PIP5K1C: variants seen among roughly 807,000 people sequenced by gnomAD.
The protein encoded by PIP5K1C is phosphatidylinositol-4-phosphate 5-kinase type 1 gamma.
In PIP5K1C, 45 loss-of-function variants were observed where a neutral mutation model predicts 80.1. The observed-to-expected ratio is 0.56, with a 90% CI of 0.44 to 0.72. The LOEUF is 0.72. Among genes scored for constraint, PIP5K1C ranks in the 30% least tolerant of loss-of-function variants. PIP5K1C has a pLI of 0.00. For synonymous variants in PIP5K1C, 498 were observed against 420.1 expected, an observed-to-expected ratio of 1.19 and a Z score of -2.27; for missense variants, 753 against 954.6, an observed-to-expected ratio of 0.79 and a Z score of 2.78.
rs1274696813 is a variant in PIP5K1C, at chr19:3,687,588, G to C, written c.94+12709C>G. Among the ~76,000 whole-genome samples the C allele has an allele frequency of 8.1e-5, 12 of 149,038 alleles. 1 individual carries two copies. The highest frequency in any genetic ancestry group is 6.7e-5 in the Admixed American group (1 of 14,964). The stretch of plus-strand genomic sequence containing the variant: ...ACACATGCACACGCACACACATGCA[G>C]ATACACACATGCATACACGCACACA... On this transcript the variant is annotated intron_variant, in intron 1 of 17. Transcript: ENST00000335312.
chr19:3,667,199 G>C, intron 2 of PIP5K1C, 123 bp downstream of exon 2: 1 of 805,422 alleles, frequency 1.2e-6, no homozygotes, highest in Non-Finnish European at 2.1e-6. Flanking sequence ...TGTGGACACT[G>C]GACGGCATTT....
chr19:3,673,813 G>A (rs182059571), intron 1 of PIP5K1C: 44 of 152,578 alleles, frequency 2.9e-4, no homozygotes, highest in African/African-American at 1.0e-3. Context: ...GGCACTCCAC[G>A]ACACAGGCTG....
In PIP5K1C at chr19:3,651,583, G is replaced by C. The variant is rs111690440; in HGVS notation, c.1127+243C>G. On this transcript the variant is annotated intron_variant, in intron 8 of 17. Transcript: ENST00000335312. ...GGCCAGTGGCCTCGGCCCAGTCACGGGTGAATGGGAAACGCCCCCACCATT... is the reference window on the plus strand; with the variant it reads ...GGCCAGTGGCCTCGGCCCAGTCACGCGTGAATGGGAAACGCCCCCACCATT... Among the ~76,000 whole-genome samples, 29 of 152,316 alleles carry C rather than the reference G, an allele frequency of 1.9e-4. 2 individuals are homozygous for C. The highest frequency in any genetic ancestry group is 6.3e-4 in the African/African-American group (26 of 41,566).
chr19:3,638,059 A>T (rs914332924), intron 16 of PIP5K1C: 59 of 1,463,978 alleles, frequency 4.0e-5, no homozygotes, highest in Non-Finnish European at 4.9e-5. Context: ...GTGCCCCCAC[A>T]ACAGGCCCTA....
chr19:3,667,463 C>T (rs7257360), intron 1 of PIP5K1C, 110 bp from the exon 2 acceptor site: 101 of 1,158,544 alleles, frequency 8.7e-5, no homozygotes, highest in Non-Finnish European at 1.1e-4. Context: ...TGTGTAACTC[C>T]GCGTGGGGCT....
At position 3,643,250 on chromosome 19, in the gene PIP5K1C, G is replaced by A. The variant is rs752717133; in HGVS notation, c.1642C>T (p.Arg548Trp). Residue 548 changes from arginine (R) to tryptophan (W), a missense_variant, in exon 13 of 18, where the codon CGG becomes TGG. By Grantham distance (101) the Arg-to-Trp change is moderately radical. Coordinates refer to ENST00000335312, the MANE Select transcript of PIP5K1C (RefSeq NM_012398.3). ...RSPSETSEQP[R>W]YRRRTQSSGQ... ...TGCGGATGCCTCGCCCACCTGTACC[G>A]CGGCTGCTCCGACGTCTCCGAGGGG... 5.6e-6 allele frequency: 9 copies of A among 1,613,422 alleles called. No homozygotes were observed. Among genetic ancestry groups the A allele is most frequent in the Non-Finnish European group, 6.8e-6 (8 of 1,179,930 alleles).
At chr19:3,679,194 G>A (rs551138871) in intron 1 of PIP5K1C, among the ~76,000 whole-genome samples, 1 of 152,202 alleles carries the variant, frequency 6.6e-6, no homozygotes, top group South Asian at 2.1e-4. Flanking sequence ...AAGAAACACG[G>A]TTTTTGAGGG....
intron 3 of PIP5K1C, among the ~76,000 whole-genome samples, chr19:3,662,379 C>T (rs1271681472): frequency 2.0e-5 from 3 of 152,196 alleles, no homozygotes; most frequent in Admixed American, 1.3e-4. Context: ...CCATTTACAG[C>T]GAGATGCCCA....
At chr19:3,670,832 G>A (rs545907742) in intron 1 of PIP5K1C, among the ~76,000 whole-genome samples, 3 of 152,260 alleles carry the variant, frequency 2.0e-5, no homozygotes, top group East Asian at 3.9e-4. Context: ...GGACGGGGAC[G>A]GAGGGAGTGG....
At chr19:3,656,038 G>A (rs1214307180) in intron 6 of PIP5K1C, among the ~76,000 whole-genome samples, 1 of 152,160 alleles carries the variant, frequency 6.6e-6, no homozygotes, top group African/African-American at 2.4e-5. Flanking sequence ...GTCACCCTTG[G>A]GCCCCTTGGG....
chr19:3,631,054 C>T lies in PIP5K1C; in HGVS notation c.*2113G>A, dbSNP rs930126848. The T allele has an allele frequency of 6.6e-6, 1 of 152,290 alleles. No homozygotes were observed. The highest frequency in any genetic ancestry group is 2.4e-5 in the African/African-American group (1 of 41,470). 9.4% of individuals were successfully genotyped at this position (152,290 alleles called of 1,614,324 possible). ...ATCTCCAAAAGGGCCTTGGAGACAA[C>T]ACAAGAATGGAAATGAAATGGTATC... On this transcript the variant is annotated 3_prime_UTR_variant, in exon 18 of 18. Coordinates refer to ENST00000335312, the MANE Select transcript of PIP5K1C (RefSeq NM_012398.3).
At position 3,661,066 on chromosome 19, in the gene PIP5K1C, G is replaced by C; in HGVS notation, c.368C>G (p.Thr123Ser). The change falls in exon 5 of 18, where the codon ACC (threonine) becomes AGC (serine). Residue 123 changes from threonine to serine, a missense_variant. By Grantham distance (58) the Thr-to-Ser change is moderately conservative. Transcript: ENST00000335312. ...GAAGTCCTGGAAGTGGTGGGCGGGG[G>C]TGAGGTTGCTGCCTTCGCTGTGGAG... ...IFFPSEGSNL[T>S]PAHHFQDFRF... 6.2e-7 allele frequency: 1 copy of C among 1,613,892 alleles called. No individual in the cohort carries two copies.
At chr19:3,656,673 A>G in intron 5 of PIP5K1C, 116 bp from the exon 6 acceptor site, 1 of 1,189,482 alleles carries the variant, frequency 8.4e-7, no homozygotes, top group Non-Finnish European at 1.2e-6. Flanking sequence ...CATTTTACAG[A>G]TGCGGAAAGA....
chr19:3,663,505 C>G (rs1235995299), intron 3 of PIP5K1C, among the ~76,000 whole-genome samples: 2 of 152,196 alleles, frequency 1.3e-5, no homozygotes, highest in Admixed American at 6.5e-5. Context: ...ACGCTCCATG[C>G]CACTGGGCAC....
intron 14 of PIP5K1C, 59 bp downstream of exon 14, chr19:3,642,848 C>T: frequency 7.1e-7 from 1 of 1,416,954 alleles, no homozygotes; most frequent in Non-Finnish European, 1.0e-6. Flanking sequence ...GGAAACGGAG[C>T]TGGGAGCTGT....
At chr19:3,667,694 G>A (rs1314423468) in intron 1 of PIP5K1C, among the ~76,000 whole-genome samples, 5 of 152,134 alleles carry the variant, frequency 3.3e-5, no homozygotes, top group Non-Finnish European at 7.4e-5. Context: ...CTGGAGGAGG[G>A]GAGGGGAAAT....
At chr19:3,687,871 T>C (rs1318220607) in intron 1 of PIP5K1C, among the ~76,000 whole-genome samples, 1 of 152,130 alleles carries the variant, frequency 6.6e-6, no homozygotes, top group Admixed American at 6.5e-5. Flanking sequence ...AACAGGAAGC[T>C]CTGCGCAGGC....
At position 3,643,350 on chromosome 19, in the gene PIP5K1C, A is replaced by C. The variant is rs757796989; in HGVS notation, c.1542T>G (p.Pro514=). Residue 514 remains proline, a synonymous_variant, in exon 13 of 18, where the codon CCT becomes CCG. Coordinates refer to ENST00000335312, the MANE Select transcript of PIP5K1C (RefSeq NM_012398.3). The part of the protein sequence containing the change: ...GRPDLLPCTP[P]SFEEATTASI... ...AGGCTGTAGTGGCTTCTTCGAAAGA[A>C]GGTGGCGTGCAGGGCAGGAGGTCGG... 5.6e-6 allele frequency: 9 copies of C among 1,613,832 alleles called. No individual in the cohort carries two copies. Among genetic ancestry groups the C allele is most frequent in the Non-Finnish European group, 7.6e-6 (9 of 1,179,960 alleles).
In PIP5K1C at chr19:3,697,247, G is replaced by A. The variant is rs147536147; in HGVS notation, c.94+3050C>T. Among the ~76,000 whole-genome samples, 17 of 146,546 alleles carry A rather than the reference G, an allele frequency of 1.2e-4. No individual in the cohort carries two copies. In the East Asian group the frequency reaches 2.8e-3, roughly 25 times the overall value. On this transcript the variant is annotated intron_variant, in intron 1 of 17. Transcript: ENST00000335312. ...GACCGGGGAGGACCGAGCTGGACCC[G>A]GGAGGACCGAGCCAGATGGAGGAGG...
Sources: allele counts gnomAD v4.1 joint callset (sites outside exome capture counted in the v4.1 genomes callset), GRCh38; gene constraint gnomAD v4.1.1; transcripts MANE v1.5; gene names NCBI Gene and HGNC (gene_info 2026-07-23, HGNC 2026-07-21).